The following RNLS variants were observed in gnomAD, a reference collection of about 807,000 sequenced individuals.
RNLS encodes renalase.
Under a neutral mutation model 39.8 loss-of-function variants are expected in RNLS, and 39 were observed. The ratio of observed to expected loss-of-function variants is 0.98; its 90% confidence interval spans 0.76 to 1.28. The LOEUF (loss-of-function observed/expected upper bound fraction) is 1.28, where lower values mean the gene tolerates loss of function less well. Ranked by LOEUF, RNLS falls within the 50% of genes most tolerant of loss-of-function variation. The probability of loss-of-function intolerance (pLI) is 0.00; values close to 1 mark genes in which losing one functional copy is unlikely to be tolerated. For synonymous variants in RNLS, 147 were observed against 150.7 expected (o/e 0.98, Z 0.18); for missense variants, 410 against 413.3 (o/e 0.99, Z 0.07).
chr10:88,190,917 C>T, the RNLS span, among the ~76,000 whole-genome samples: 7 of 152,214 alleles, frequency 4.6e-5, no homozygotes, highest in Admixed American at 4.6e-4. Flanking sequence ...TGAGGTCCAA[C>T]GTGGGTCTTG....
chr10:88,420,782 A>G (rs188941790), intron 4 of RNLS, among the ~76,000 whole-genome samples: 81 of 152,338 alleles, frequency 5.3e-4, no homozygotes, highest in Non-Finnish European at 9.4e-4. Context: ...ATTTACTACA[A>G]TAGCAGTTTG....
intron 4 of RNLS, among the ~76,000 whole-genome samples, chr10:88,557,818 G>C (rs1293562716): frequency 6.6e-6 from 1 of 152,158 alleles, no homozygotes; most frequent in Non-Finnish European, 1.5e-5. Flanking sequence ...ATGGGGAAAA[G>C]TTTAATTCAA....
chr10:88,557,354 C>T (rs1192627475), intron 4 of RNLS, among the ~76,000 whole-genome samples: 1 of 152,128 alleles, frequency 6.6e-6, no homozygotes, highest in African/African-American at 2.4e-5. Flanking sequence ...GTGTTCTGTG[C>T]TGGCTACTCA....
chr10:88,466,569 C>A (rs1843217264), intron 4 of RNLS, among the ~76,000 whole-genome samples: 1 of 152,124 alleles, frequency 6.6e-6, no homozygotes, highest in African/African-American at 2.4e-5. Context: ...CCTTCCTTTG[C>A]AACCCGCCTC....
intron 4 of RNLS, among the ~76,000 whole-genome samples, chr10:88,397,518 A>C (rs1852633016): frequency 6.6e-6 from 1 of 151,952 alleles, no homozygotes; most frequent in Admixed American, 6.6e-5. Context: ...ATTAAAAGAA[A>C]GAAAGATCTT....
At chr10:88,459,485 T>C (rs73355416) in intron 4 of RNLS, among the ~76,000 whole-genome samples, 2,674 of 152,236 alleles carry the variant, frequency 0.018, 89 homozygotes, top group African/African-American at 0.059. Context: ...GTCTGTTTCG[T>C]ATTGTACCAT....
chr10:88,187,243 T>A, the RNLS span, among the ~76,000 whole-genome samples: 2 of 140,280 alleles, frequency 1.4e-5, no homozygotes, highest in Admixed American at 1.4e-4. Context: ...CCCATGAAGG[T>A]AAAGAAGCTC....
the RNLS span, among the ~76,000 whole-genome samples, chr10:88,239,469 A>G: frequency 6.6e-6 from 1 of 152,172 alleles, no homozygotes; most frequent in Non-Finnish European, 1.5e-5. Context: ...TAGTTACCCA[A>G]ACTCTAGATG....
intron 4 of RNLS, among the ~76,000 whole-genome samples, chr10:88,501,683 C>T (rs1050224264): frequency 5.9e-5 from 9 of 152,266 alleles, no homozygotes; most frequent in Non-Finnish European, 1.3e-4. Flanking sequence ...GTATTCAAAG[C>T]GTGTGGATTC....
At chr10:88,274,793 T>C in exon 7 of RNLS, 1 of 497,440 alleles carries the variant, frequency 2.0e-6, no homozygotes, top group Non-Finnish European at 3.7e-6. Flanking sequence ...GCTACATCAT[T>C]TTACATTCCC....
chr10:88,324,427 CAAAAA>C (rs57362184), intron 5 of RNLS, among the ~76,000 whole-genome samples: 1 of 78,642 alleles, frequency 1.3e-5, no homozygotes, highest in South Asian at 3.8e-4. Flanking sequence ...GTGTCCTTTG[CAAAAA>C]AAAAAAAAAA....
intron 4 of RNLS, among the ~76,000 whole-genome samples, chr10:88,415,207 A>G (rs1218564416): frequency 1.3e-5 from 2 of 152,206 alleles, no homozygotes; most frequent in Non-Finnish European, 2.9e-5. Context: ...TGGAATGCTA[A>G]AATATTTATT....
At chr10:88,360,561 C>T (rs1030997342) in intron 5 of RNLS, among the ~76,000 whole-genome samples, 2 of 152,234 alleles carry the variant, frequency 1.3e-5, no homozygotes, top group Middle Eastern at 3.4e-3. Context: ...CTCAGCCTCC[C>T]GAGTAGCTGG....
At chr10:88,557,958 A>T (rs975816936) in intron 4 of RNLS, among the ~76,000 whole-genome samples, 2 of 152,148 alleles carry the variant, frequency 1.3e-5, no homozygotes, top group Non-Finnish European at 2.9e-5. Context: ...AGAACTCTAA[A>T]TGAAAAATAG....
At chr10:88,314,347 T>G in intron 6 of RNLS, 119 bp downstream of exon 6, 5 of 1,052,428 alleles carry the variant, frequency 4.8e-6, no homozygotes, top group Non-Finnish European at 6.9e-6. Flanking sequence ...ACATATTTGC[T>G]CCAAGGATCA....
chr10:88,204,569 G>A, the RNLS span, among the ~76,000 whole-genome samples: 1 of 152,056 alleles, frequency 6.6e-6, no homozygotes, highest in African/African-American at 2.4e-5. Flanking sequence ...TGAGAATAAT[G>A]ACTATTGAGC....
At position 88,579,727 on chromosome 10, in the gene RNLS, C is replaced by T. The variant is rs577176758; in HGVS notation, c.367+1840G>A. On this transcript the variant is annotated intron_variant, in intron 3 of 6. Transcript: ENST00000331772. Reference sequence around the variant, plus strand: ...AAGCTGATAGTAACATTCTACAAAACGTCCAATAGTGTCACCATCTGTGAT... The same window carrying T: ...AAGCTGATAGTAACATTCTACAAAATGTCCAATAGTGTCACCATCTGTGAT... Among the ~76,000 whole-genome samples the T allele has an allele frequency of 1.2e-4, 18 of 152,292 alleles. No individual in the cohort carries two copies. The East Asian group carries it at 2.9e-3, about 24-fold the overall frequency.
At chr10:88,242,984 A>C in the RNLS span, among the ~76,000 whole-genome samples, 2 of 149,154 alleles carry the variant, frequency 1.3e-5, no homozygotes, top group Non-Finnish European at 3.0e-5. Flanking sequence ...CAAACCCATA[A>C]GGGAGTGAGG....
intron 4 of RNLS, among the ~76,000 whole-genome samples, chr10:88,469,489 C>T (rs780447557): frequency 6.6e-6 from 1 of 152,094 alleles, no homozygotes; most frequent in African/African-American, 2.4e-5. Flanking sequence ...AGGGAAGCAG[C>T]AGCATTCTAT....
Sources: gnomAD v4.1 joint callset for allele counts (sites outside exome capture counted in the v4.1 genomes callset) on GRCh38, gnomAD v4.1.1 for gene constraint, MANE v1.5 for transcripts, NCBI Gene and HGNC (gene_info 2026-07-23, HGNC 2026-07-21) for gene names.